GRIA1: variants seen among roughly 807,000 people sequenced by gnomAD.
GRIA1 encodes the protein glutamate ionotropic receptor AMPA type subunit 1.
Under a neutral mutation model 99.2 loss-of-function variants are expected in GRIA1, and 31 were observed. The observed-to-expected ratio is 0.31, with a 90% CI of 0.23 to 0.42. GRIA1 has a LOEUF of 0.42. Ranked by LOEUF, GRIA1 falls within the 10% of genes least tolerant of loss-of-function variation. The probability of loss-of-function intolerance (pLI) is 1.00; values close to 1 mark genes in which losing one functional copy is unlikely to be tolerated. For missense variants in GRIA1, 782 were observed against 1,157.5 expected (o/e 0.68, Z 4.71); for synonymous variants, 438 against 432.4 (o/e 1.01, Z -0.16).
intron 11 of GRIA1, among the ~76,000 whole-genome samples, chr5:153,718,337 G>C (rs115913015): frequency 6.6e-6 from 1 of 152,296 alleles, no homozygotes; most frequent in African/African-American, 2.4e-5. Context: ...TATGGAAAAG[G>C]AGAAACTTGG....
intron 2 of GRIA1, among the ~76,000 whole-genome samples, chr5:153,563,748 C>G (rs1338958003): frequency 6.6e-6 from 1 of 152,152 alleles, no homozygotes; most frequent in East Asian, 1.9e-4. Flanking sequence ...ACCTACTTCC[C>G]CCTTTCTGTC....
At position 153,791,084 on chromosome 5, in the gene GRIA1, C is replaced by T. The variant is rs1056090097; in HGVS notation, c.2271-3537C>T. Among the ~76,000 whole-genome samples, 11 of 152,024 alleles carry T rather than the reference C, an allele frequency of 7.2e-5. No individual in the cohort carries two copies. In the South Asian group the frequency reaches 1.9e-3, roughly 26 times the overall value. The stretch of plus-strand genomic sequence containing the variant: ...AATATCATAGGGCAGTTTTCCAGAA[C>T]CAGAATCGCCCCCGGGCCACCATTC... On this transcript the variant is annotated intron_variant, in intron 13 of 15. Transcript: ENST00000285900.
At chr5:153,557,173 A>T (rs1760721558) in intron 2 of GRIA1, among the ~76,000 whole-genome samples, 1 of 152,210 alleles carries the variant, frequency 6.6e-6, no homozygotes, top group Admixed American at 6.5e-5. Context: ...TGATGAATGA[A>T]TGTGAAGGCC....
chr5:153,645,526 T>A (rs1233509142), intron 2 of GRIA1, among the ~76,000 whole-genome samples: 2 of 152,160 alleles, frequency 1.3e-5, no homozygotes, highest in Non-Finnish European at 2.9e-5. Context: ...AAATCTGGGA[T>A]AAAAATGGGT....
At chr5:153,494,161 G>A (rs1229240194) in intron 2 of GRIA1, 96 bp downstream of exon 2, 2 of 1,304,284 alleles carry the variant, frequency 1.5e-6, no homozygotes, top group African/African-American at 1.5e-5. Context: ...AATGACTTCA[G>A]TTGCCATTCG....
intron 2 of GRIA1, among the ~76,000 whole-genome samples, chr5:153,608,100 C>A (rs1765614191): frequency 6.6e-6 from 1 of 152,116 alleles, no homozygotes; most frequent in African/African-American, 2.4e-5. Flanking sequence ...TTAGTTGTTT[C>A]TTGTGAAGGG....
intron 8 of GRIA1, among the ~76,000 whole-genome samples, chr5:153,695,044 T>C (rs1757997617): frequency 6.6e-6 from 1 of 152,160 alleles, no homozygotes; most frequent in South Asian, 2.1e-4. Flanking sequence ...TGACAGATAT[T>C]TTCCCAGGTT....
chr5:153,664,295 T>C (rs897233380), intron 5 of GRIA1, among the ~76,000 whole-genome samples: 13 of 152,122 alleles, frequency 8.5e-5, no homozygotes, highest in African/African-American at 3.1e-4. Context: ...TAATAATCCT[T>C]ATGTTGCAGC....
chr5:153,750,644 T>C (rs1437904359), intron 11 of GRIA1, among the ~76,000 whole-genome samples: 1 of 152,142 alleles, frequency 6.6e-6, no homozygotes, highest in Admixed American at 6.5e-5. Context: ...CCCCTGCCCC[T>C]ATACCCAGGT....
chr5:153,551,256 G>C (rs2220781), intron 2 of GRIA1, among the ~76,000 whole-genome samples: 2 of 151,924 alleles, frequency 1.3e-5, no homozygotes, highest in East Asian at 1.9e-4. Context: ...ATTTGTCTTC[G>C]TGTGGCTTCT....
intron 2 of GRIA1, among the ~76,000 whole-genome samples, chr5:153,640,685 C>G (rs548053041): frequency 1.3e-5 from 2 of 152,160 alleles, no homozygotes; most frequent in Non-Finnish European, 2.9e-5. Context: ...CTCAAATCAC[C>G]CTTTATTTTC....
At chr5:153,635,751 A>G (rs1021523798) in intron 2 of GRIA1, among the ~76,000 whole-genome samples, 2 of 152,164 alleles carry the variant, frequency 1.3e-5, no homozygotes, top group Non-Finnish European at 2.9e-5. Flanking sequence ...TTGGCCTCAA[A>G]GGGTCCATCC....
At chr5:153,808,326 C>T (rs1417759812) in intron 15 of GRIA1, among the ~76,000 whole-genome samples, 1 of 151,942 alleles carries the variant, frequency 6.6e-6, no homozygotes, top group Admixed American at 6.6e-5. Context: ...TAAGGGAAAG[C>T]CACATTCCCA....
chr5:153,783,831 T>C (rs1764794008), intron 13 of GRIA1, among the ~76,000 whole-genome samples: 1 of 152,206 alleles, frequency 6.6e-6, no homozygotes, highest in Non-Finnish European at 1.5e-5. Context: ...GTGAGTTTGC[T>C]GTGATAAAAC....
At position 153,491,218 on chromosome 5, in the gene GRIA1, T is replaced by C. The variant is rs545259186; in HGVS notation, c.82+248T>C. 369 of 1,304,476 alleles carry C rather than the reference T, an allele frequency of 2.8e-4. 2 individuals are homozygous for C. The highest frequency in any genetic ancestry group is 1.4e-4 in the Non-Finnish European group (144 of 1,014,482). 80.8% of individuals were successfully genotyped at this position (1,304,476 alleles called of 1,614,324 possible). A position where few individuals can be genotyped will look rare whatever the true frequency, so the allele number is the denominator to read the frequency against. ...TACTCGCACTCCAGGCAAGAGCATG[T>C]GAAATGGAGGAACCATCGCTTTGGA... On this transcript the variant is annotated intron_variant, in intron 1 of 15. Transcript: ENST00000285900.
chr5:153,502,547 G>A (rs997790339), intron 2 of GRIA1, among the ~76,000 whole-genome samples: 7 of 152,174 alleles, frequency 4.6e-5, no homozygotes, highest in Non-Finnish European at 8.8e-5. Flanking sequence ...TAAGGTATAA[G>A]GTTCCATCTT....
At position 153,667,322 on chromosome 5, in the gene GRIA1, G is replaced by A. The variant is rs113933845; in HGVS notation, c.700-7178G>A. Among the ~76,000 whole-genome samples, 19 of 152,300 alleles carry A rather than the reference G, an allele frequency of 1.2e-4. 1 individual carries two copies. The highest frequency in any genetic ancestry group is 4.6e-4 in the African/African-American group (19 of 41,568). On this transcript the variant is annotated intron_variant, in intron 5 of 15. Coordinates refer to ENST00000285900, the MANE Select transcript of GRIA1 (RefSeq NM_000827.4). ...TGTCAGCACAGGCAGGATGATGAGG[G>A]CTGAACAGCTCGTATGTGACCCCTT... is the stretch of plus-strand genomic sequence containing the variant.
chr5:153,491,120 A>T (rs752475276), intron 1 of GRIA1, 150 bp downstream of exon 1: 2 of 1,010,672 alleles, frequency 2.0e-6, no homozygotes, highest in Non-Finnish European at 3.0e-6. Flanking sequence ...ACTTGGGCTT[A>T]CAGCCAGAGG....
intron 2 of GRIA1, among the ~76,000 whole-genome samples, chr5:153,534,271 G>C (rs545158298): frequency 6.6e-6 from 1 of 152,170 alleles, no homozygotes; most frequent in African/African-American, 2.4e-5. Context: ...GAACAGTCAG[G>C]TTACTTTCCC....
Sources: allele counts gnomAD v4.1 joint callset (sites outside exome capture counted in the v4.1 genomes callset), GRCh38; gene constraint gnomAD v4.1.1; transcripts MANE v1.5; gene names NCBI Gene and HGNC (gene_info 2026-07-23, HGNC 2026-07-21).